The following CIT variants were observed in gnomAD, a reference collection of about 807,000 sequenced individuals.
CIT encodes citron Rho-interacting kinase.
CIT carries 79 observed loss-of-function variants against 272.7 expected under a neutral mutation model. The observed-to-expected ratio is 0.29, with a 90% CI of 0.24 to 0.35. The LOEUF is 0.35. Among genes scored for constraint, CIT ranks in the 10% least tolerant of loss-of-function variants. The pLI, the probability that CIT is intolerant of heterozygous loss-of-function variation, is 1.00. For missense variants in CIT, 1,909 were observed against 2,618.3 expected, an observed-to-expected ratio of 0.73 and a Z score of 5.91; for synonymous variants, 948 against 995.6, an observed-to-expected ratio of 0.95 and a Z score of 0.90.
intron 16 of CIT, among the ~76,000 whole-genome samples, chr12:119,774,945 C>A (rs1963591242): frequency 6.6e-6 from 1 of 151,182 alleles, no homozygotes; most frequent in Non-Finnish European, 1.5e-5. Context: ...TGCACTCCAG[C>A]CTGGGTGACA....
At chr12:119,839,003 T>A (rs550304419) in intron 5 of CIT, among the ~76,000 whole-genome samples, 2 of 152,208 alleles carry the variant, frequency 1.3e-5, no homozygotes, top group Non-Finnish European at 1.5e-5. Context: ...CGAGCCTGGC[T>A]TGGAGCTATA....
Position 119,804,414 on chromosome 12 carries a change from C to CGGCT in CIT, c.1112-1029_1112-1026dup. 2 of 985,732 alleles carry CGGCT rather than the reference C, an allele frequency of 2.0e-6. No homozygotes were observed. The highest frequency in any genetic ancestry group is 2.4e-6 in the Non-Finnish European group (2 of 830,178). The allele number at this position is 985,732 out of a possible 1,614,324, so 61.1% of individuals were successfully genotyped here. On this transcript the variant is annotated intron_variant, in intron 9 of 47. Coordinates refer to ENST00000392521, the MANE Select transcript of CIT (RefSeq NM_001206999.2). This position sits in a 1 kb window ranked among gnomAD's most constrained non-coding sequence, Gnocchi z 5.3. ...CCCCGCAGTGCAGGCTGCATGCTCCCGGCTCCGTGCGTGCGTGCTCTGGCT... is the reference window on the plus strand; with the variant it reads ...CCCCGCAGTGCAGGCTGCATGCTCCCGGCTGGCTCCGTGCGTGCGTGCTCTGGCT...
chr12:119,837,413 C>T (rs757665502), intron 5 of CIT, among the ~76,000 whole-genome samples: 5 of 152,160 alleles, frequency 3.3e-5, no homozygotes, highest in South Asian at 2.1e-4. Flanking sequence ...TCATAAAATA[C>T]GTTTGGATTG....
At chr12:119,833,253 A>G (rs1269099286) in intron 6 of CIT, among the ~76,000 whole-genome samples, 2 of 152,208 alleles carry the variant, frequency 1.3e-5, no homozygotes, top group Non-Finnish European at 2.9e-5. Flanking sequence ...GCAATGGAAA[A>G]GCTGAGACTC....
chr12:119,871,088 C>T (rs59603502), intron 2 of CIT, among the ~76,000 whole-genome samples: 5,730 of 149,584 alleles, frequency 0.038, 364 homozygotes, highest in African/African-American at 0.13. Flanking sequence ...CACTGCACTC[C>T]AGCCTGGGCG....
chr12:119,862,274 C>G (rs936811276), intron 3 of CIT, among the ~76,000 whole-genome samples: 1 of 152,078 alleles, frequency 6.6e-6, no homozygotes, highest in Non-Finnish European at 1.5e-5. Flanking sequence ...GGATTACAGG[C>G]GTGAGCCACT....
intron 20 of CIT, among the ~76,000 whole-genome samples, chr12:119,759,559 T>A (rs1346053828): frequency 6.6e-6 from 1 of 151,216 alleles, no homozygotes; most frequent in African/African-American, 2.4e-5. Flanking sequence ...GGCAGGAGAG[T>A]CACTTGAACT....
In CIT at chr12:119,770,997, G is replaced by C. The variant is rs1169307222; in HGVS notation, c.2083-87C>G. 5.4e-6 allele frequency: 8 copies of C among 1,484,460 alleles called. No individual in the cohort carries two copies. Among genetic ancestry groups the C allele is most frequent in the Non-Finnish European group, 7.3e-6 (8 of 1,100,198 alleles). 92.0% of individuals were successfully genotyped at this position (1,484,460 alleles called of 1,614,324 possible). ...CACCGAGGGAAAGAGCCCTCAAGAA[G>C]CATACACTCGAGTCAGGAAGAAAAG... On this transcript the variant is annotated intron_variant, in intron 17 of 47. Coordinates refer to ENST00000392521, the MANE Select transcript of CIT (RefSeq NM_001206999.2). This position sits in a 1 kb window ranked among gnomAD's most constrained non-coding sequence, Gnocchi z 4.4.
chr12:119,828,252 A>G (rs1412421909), intron 7 of CIT, among the ~76,000 whole-genome samples: 1 of 152,246 alleles, frequency 6.6e-6, no homozygotes, highest in Non-Finnish European at 1.5e-5. Context: ...TCTTAAGTGC[A>G]TAATAGTGAT....
intron 27 of CIT, among the ~76,000 whole-genome samples, chr12:119,730,003 G>C (rs893784469): frequency 3.2e-4 from 48 of 152,124 alleles, no homozygotes; most frequent in African/African-American, 1.1e-3. Context: ...CACATGGATG[G>C]AACACGTGTA....
chr12:119,873,488 C>A (rs1253785385), intron 2 of CIT, among the ~76,000 whole-genome samples: 1 of 151,818 alleles, frequency 6.6e-6, no homozygotes, highest in Non-Finnish European at 1.5e-5. Flanking sequence ...CCATGTTGCC[C>A]GGGCTGCTCT....
intron 16 of CIT, among the ~76,000 whole-genome samples, chr12:119,774,770 T>G (rs763447591): frequency 6.7e-6 from 1 of 149,836 alleles, no homozygotes; most frequent in Non-Finnish European, 1.5e-5. Context: ...TCCAGGTGTT[T>G]GAGACCAGCC....
chr12:119,691,171 C>CAAAAAAA (rs35222584), intron 46 of CIT, among the ~76,000 whole-genome samples: 1 of 70,272 alleles, frequency 1.4e-5, no homozygotes, highest in Non-Finnish European at 2.7e-5. Context: ...GACTCCGTCT[C>CAAAAAAA]AAAAAAAAAA....
chr12:119,737,700 G>A (rs978108766), intron 24 of CIT, among the ~76,000 whole-genome samples: 1 of 152,158 alleles, frequency 6.6e-6, no homozygotes, highest in African/African-American at 2.4e-5. Context: ...GTTTGTGATT[G>A]CTGGTTCTAT....
At chr12:119,848,388 C>T (rs7954961) in intron 5 of CIT, among the ~76,000 whole-genome samples, 28,678 of 152,114 alleles carry the variant, frequency 0.19, 3,032 homozygotes, top group East Asian at 0.38. Context: ...TTTTCTCTTA[C>T]GTGAGCCTGT....
chr12:119,825,311 C>T lies in CIT; in HGVS notation c.811G>A (p.Val271Met). The T allele has an allele frequency of 6.2e-7, 1 of 1,614,148 alleles. No homozygotes were observed. The highest frequency in any genetic ancestry group is 8.5e-7 in the Non-Finnish European group (1 of 1,180,036). The change falls in exon 8 of 48, where the codon GTG (valine) becomes ATG (methionine). Residue 271 changes from valine to methionine, a missense_variant. Physicochemically the swap from Val to Met is conservative, Grantham distance 21. Transcript: ENST00000392521. ...GTGCCTTTTCCATCCCCGTTCATCA[C>T]AGTCAGCACTTCAGGAGCCATGTAA... ...PDYMAPEVLT[V>M]MNGDGKGTYG... is the part of the protein sequence containing the mutation.
intron 43 of CIT, 179 bp from the exon 44 acceptor site, chr12:119,701,004 T>A (rs1193663382): frequency 1.0e-5 from 4 of 389,026 alleles, no homozygotes; most frequent in African/African-American, 6.3e-5. Flanking sequence ...AATGAGGGAC[T>A]TTTTAAATTT....
In CIT at chr12:119,710,543, G is replaced by T; in HGVS notation, c.4932C>A (p.Asp1644Glu). The T allele has an allele frequency of 6.2e-7, 1 of 1,614,170 alleles. No individual in the cohort carries two copies. The highest frequency in any genetic ancestry group is 8.5e-7 in the Non-Finnish European group (1 of 1,179,998). Residue 1644 changes from aspartate to glutamate, a missense_variant, in exon 38 of 48, where the codon GAC (aspartate) becomes GAA (glutamate). This residue lies in a region of CIT where 780 missense variants were observed against 1,067.2 expected (regional missense o/e 0.73). Coordinates refer to ENST00000392521, the MANE Select transcript of CIT (RefSeq NM_001206999.2). The surrounding 1 kb of genome is among the most constrained non-coding windows in gnomAD (Gnocchi z 5.6). Reference sequence around the variant, plus strand: ...GCCGTGCCCATGCAAGCATTACCTGGTCACTGAAGGGCAGCGTGCAGTTCA... The same window carrying T: ...GCCGTGCCCATGCAAGCATTACCTGTTCACTGAAGGGCAGCGTGCAGTTCA... Reference protein sequence around the residue: ...LDMNCTLPFSDQVVLVGTEEG... With the variant: ...LDMNCTLPFSEQVVLVGTEEG...
intron 10 of CIT, among the ~76,000 whole-genome samples, chr12:119,799,314 T>G (rs1418436621): frequency 6.6e-6 from 1 of 152,180 alleles, no homozygotes; most frequent in Non-Finnish European, 1.5e-5. Flanking sequence ...CTAGACCAAG[T>G]GTTTTACGTA....
Sources: gnomAD v4.1 joint callset for allele counts (sites outside exome capture counted in the v4.1 genomes callset) on GRCh38, gnomAD v4.1.1 for gene constraint, gnomAD v4.1.1 regional missense constraint, Gnocchi (gnomAD v3.1) non-coding constraint, MANE v1.5 for transcripts, NCBI Gene and HGNC (gene_info 2026-07-23, HGNC 2026-07-21) for gene names.